Variants in PRKCB observed in about 807,000 individuals in gnomAD.
PRKCB encodes the protein protein kinase C beta type.
PRKCB carries 13 observed loss-of-function variants against 81.5 expected under a neutral mutation model. The observed-to-expected ratio is 0.16, with a 90% CI of 0.10 to 0.25. The LOEUF is 0.25. PRKCB is among the 10% of genes least tolerant of loss of function. The probability of loss-of-function intolerance (pLI) is 1.00; values close to 1 mark genes in which losing one functional copy is unlikely to be tolerated. For synonymous variants in PRKCB, 335 were observed against 321.4 expected (o/e 1.04, Z -0.45); for missense variants, 509 against 875.7 (o/e 0.58, Z 5.29).
At chr16:24,000,012 G>A (rs978120161) in intron 3 of PRKCB, among the ~76,000 whole-genome samples, 6 of 152,134 alleles carry the variant, frequency 3.9e-5, no homozygotes, top group Non-Finnish European at 7.4e-5. Flanking sequence ...TTCATATGGT[G>A]GTTTCCAGGC....
intron 16 of PRKCB, among the ~76,000 whole-genome samples, chr16:24,201,034 C>T (rs924089681): frequency 6.6e-6 from 1 of 152,158 alleles, no homozygotes; most frequent in Non-Finnish European, 1.5e-5. Flanking sequence ...TAGCCGTCAG[C>T]TTCTTACCAC....
intron 8 of PRKCB, among the ~76,000 whole-genome samples, chr16:24,114,545 A>G (rs1439486748): frequency 6.6e-6 from 1 of 152,082 alleles, no homozygotes; most frequent in Non-Finnish European, 1.5e-5. Flanking sequence ...CTACGGGGAC[A>G]AATAAACACC....
chr16:24,065,771 G>A (rs912035257), intron 5 of PRKCB, among the ~76,000 whole-genome samples: 1 of 152,218 alleles, frequency 6.6e-6, no homozygotes, highest in Admixed American at 6.5e-5. Context: ...CTATTCAGGA[G>A]TCTGAGACAG....
At chr16:23,855,270 G>A (rs1409077275) in intron 2 of PRKCB, among the ~76,000 whole-genome samples, 1 of 152,088 alleles carries the variant, frequency 6.6e-6, no homozygotes, top group Non-Finnish European at 1.5e-5. Flanking sequence ...ATGACTTACT[G>A]GTCAAGAGCA....
At chr16:23,854,344 C>T (rs912531432) in intron 2 of PRKCB, among the ~76,000 whole-genome samples, 1 of 152,154 alleles carries the variant, frequency 6.6e-6, no homozygotes, top group Non-Finnish European at 1.5e-5. Flanking sequence ...AGCACATAAC[C>T]TCAAGGCTTA....
intron 2 of PRKCB, among the ~76,000 whole-genome samples, chr16:23,841,859 T>C (rs1433964898): frequency 6.6e-6 from 1 of 151,912 alleles, no homozygotes; most frequent in African/African-American, 2.4e-5. Flanking sequence ...TTTCGCCACG[T>C]TGGTTAGGCT....
intron 9 of PRKCB, among the ~76,000 whole-genome samples, chr16:24,136,588 C>G (rs198200): frequency 0.19 from 28,498 of 152,112 alleles, 2,984 homozygotes; most frequent in South Asian, 0.31. Flanking sequence ...TGATGCTTCT[C>G]AAGTCTCCAT....
intron 9 of PRKCB, among the ~76,000 whole-genome samples, chr16:24,135,999 C>T (rs1363007968): frequency 6.6e-6 from 1 of 151,960 alleles, no homozygotes; most frequent in Non-Finnish European, 1.5e-5. Context: ...TCTTGGATTC[C>T]TGCCTTCTCT....
Position 23,844,009 on chromosome 16 carries a change from A to G in PRKCB, c.205+6603A>G, listed in dbSNP as rs1297125293. On this transcript the variant is annotated intron_variant, in intron 2 of 16. Transcript: ENST00000643927. The stretch of plus-strand genomic sequence containing the variant: ...CACACATATATGTAAGTAGATCAAT[A>G]TGTTATAATTTTCACAATACGCATC... Among the ~76,000 whole-genome samples, 3 of 152,322 alleles carry G rather than the reference A, an allele frequency of 2.0e-5. No homozygotes were observed. The East Asian group carries it at 5.8e-4, about 29-fold the overall frequency.
intron 9 of PRKCB, among the ~76,000 whole-genome samples, chr16:24,133,322 C>G (rs1327179118): frequency 6.6e-6 from 1 of 152,234 alleles, no homozygotes; most frequent in Non-Finnish European, 1.5e-5. Flanking sequence ...CCTCATCACT[C>G]TGTGCTTATT....
chr16:24,096,667 ATATAT>A (rs1302387252), intron 7 of PRKCB, among the ~76,000 whole-genome samples: 66 of 17,786 alleles, frequency 3.7e-3, no homozygotes, highest in African/African-American at 7.4e-3. Context: ...AAAAAAAAAA[ATATAT>A]ATATATATAT....
chr16:23,849,087 T>G (rs79512350), intron 2 of PRKCB, among the ~76,000 whole-genome samples: 2,168 of 152,370 alleles, frequency 0.014, 20 homozygotes, highest in Non-Finnish European at 0.022. Flanking sequence ...GTGAGCACAG[T>G]GCTTTCTGAG....
At chr16:24,105,061 T>TTA (rs1555497032) in intron 7 of PRKCB, among the ~76,000 whole-genome samples, 2 of 151,766 alleles carry the variant, frequency 1.3e-5, no homozygotes, top group Non-Finnish European at 2.9e-5. Context: ...TTGGATTTTT[T>TTA]TTTTTTTATT....
intron 7 of PRKCB, among the ~76,000 whole-genome samples, chr16:24,096,665 AAATATATATATATATAT>A (rs758821095): frequency 0.19 from 7,474 of 39,292 alleles, 572 homozygotes; most frequent in Admixed American, 0.33. Context: ...AAAAAAAAAA[AAATATATATATATATAT>A]ATATATATAT....
intron 2 of PRKCB, among the ~76,000 whole-genome samples, chr16:23,891,603 G>A (rs1451057415): frequency 6.6e-6 from 1 of 152,138 alleles, no homozygotes; most frequent in Non-Finnish European, 1.5e-5. Flanking sequence ...ATAAGGGTTT[G>A]TCAGGAGCTA....
chr16:23,962,785 GT>G (rs369094166), intron 2 of PRKCB, among the ~76,000 whole-genome samples: 2 of 151,838 alleles, frequency 1.3e-5, no homozygotes, highest in East Asian at 1.9e-4. Flanking sequence ...GGAGCAAGTG[GT>G]TTTTTTGGTT....
intron 5 of PRKCB, among the ~76,000 whole-genome samples, chr16:24,080,212 A>T (rs1378967239): frequency 6.6e-6 from 1 of 152,204 alleles, no homozygotes; most frequent in East Asian, 1.9e-4. Flanking sequence ...GGGAGCAATC[A>T]TATGAGCAGC....
intron 2 of PRKCB, among the ~76,000 whole-genome samples, chr16:23,934,428 G>T (rs1389415383): frequency 6.6e-6 from 1 of 151,970 alleles, no homozygotes; most frequent in South Asian, 2.1e-4. Context: ...GGCTTTGTGG[G>T]CTGGAAAGGG....
chr16:24,198,139 T>C (rs574641129), intron 16 of PRKCB, among the ~76,000 whole-genome samples: 1 of 152,340 alleles, frequency 6.6e-6, no homozygotes, highest in African/African-American at 2.4e-5. Flanking sequence ...AAAAGGTGCA[T>C]TGAGCCTTTG....
Sources: gnomAD v4.1 joint callset for allele counts (sites outside exome capture counted in the v4.1 genomes callset) on GRCh38, gnomAD v4.1.1 for gene constraint, MANE v1.5 for transcripts, NCBI Gene and HGNC (gene_info 2026-07-23, HGNC 2026-07-21) for gene names.